Variants in PLCG2 observed in about 807,000 individuals in gnomAD.
PLCG2 encodes the protein phospholipase C gamma 2, also known as 1-phosphatidylinositol 4,5-bisphosphate phosphodiesterase gamma-2.
A neutral mutation model predicts 175.6 loss-of-function variants in PLCG2; 69 were observed. The ratio of observed to expected loss-of-function variants is 0.39; its 90% CI spans 0.32 to 0.48. The LOEUF is 0.48. Ranked by LOEUF, PLCG2 falls within the 20% of genes least tolerant of loss-of-function variation. PLCG2 has a pLI of 0.91. For synonymous variants in PLCG2, 827 were observed against 624.0 expected, an observed-to-expected ratio of 1.33 and a Z score of -4.85; for missense variants, 1,798 against 1,650.9, an observed-to-expected ratio of 1.09 and a Z score of -1.54.
intron 2 of PLCG2, among the ~76,000 whole-genome samples, chr16:81,803,363 G>A (rs906939639): frequency 6.6e-5 from 10 of 151,738 alleles, no homozygotes; most frequent in East Asian, 1.9e-4. Flanking sequence ...CCTAACATAA[G>A]GTTCGTTCAT....
intron 2 of PLCG2, among the ~76,000 whole-genome samples, chr16:81,834,658 G>C (rs1028592047): frequency 1.3e-5 from 2 of 152,144 alleles, no homozygotes; most frequent in Non-Finnish European, 2.9e-5. Flanking sequence ...GTTCCTGAGA[G>C]GAAGATTCTG....
chr16:81,822,776 A>AAAAAAAG (rs1476818787), intron 2 of PLCG2, among the ~76,000 whole-genome samples: 34 of 151,200 alleles, frequency 2.2e-4, no homozygotes, highest in Non-Finnish European at 4.9e-4. Context: ...AAAAAAAAAA[A>AAAAAAAG]AAAAAGAAAA....
At chr16:81,889,047 G>A (rs1303015438) in intron 9 of PLCG2, 125 bp from the exon 10 acceptor site, 2 of 615,074 alleles carry the variant, frequency 3.3e-6, no homozygotes, top group Admixed American at 2.5e-5. Flanking sequence ...TGTGGTGGTC[G>A]ATTGCAAGTG....
At chr16:81,757,830 C>A (rs968632492) in intron 2 of PLCG2, among the ~76,000 whole-genome samples, 2 of 152,110 alleles carry the variant, frequency 1.3e-5, no homozygotes, top group African/African-American at 4.8e-5. Context: ...CCCCCTTCCC[C>A]CACCCCTTCA....
At chr16:81,912,321 C>G (rs1015059614) in intron 18 of PLCG2, among the ~76,000 whole-genome samples, 2 of 152,258 alleles carry the variant, frequency 1.3e-5, no homozygotes, top group Non-Finnish European at 2.9e-5. Flanking sequence ...CTGCCTCAGC[C>G]TCCCAAAGTG....
intron 13 of PLCG2, among the ~76,000 whole-genome samples, chr16:81,900,274 C>G (rs1022357125): frequency 2.0e-5 from 3 of 152,124 alleles, no homozygotes; most frequent in African/African-American, 7.2e-5. Context: ...ATTGTGCTGT[C>G]TGTTCATCTT....
chr16:81,933,221 A>G (rs898887605), intron 25 of PLCG2, among the ~76,000 whole-genome samples: 1 of 152,200 alleles, frequency 6.6e-6, no homozygotes, highest in Non-Finnish European at 1.5e-5. Flanking sequence ...AAGTCCTGTT[A>G]TTACATCTGA....
chr16:81,885,634 T>A (rs370025414), intron 9 of PLCG2, among the ~76,000 whole-genome samples: 121 of 152,076 alleles, frequency 8.0e-4, no homozygotes, highest in East Asian at 2.3e-3. Context: ...CTTTTTTTTT[T>A]AAAATATAGC....
At chr16:81,876,035 TTTG>T (rs1300021697) in intron 7 of PLCG2, among the ~76,000 whole-genome samples, 14 of 143,146 alleles carry the variant, frequency 9.8e-5, no homozygotes, top group Admixed American at 2.1e-4. Flanking sequence ...TTTTTTTTTT[TTTG>T]TTTTTGAGAC....
intron 2 of PLCG2, among the ~76,000 whole-genome samples, chr16:81,793,674 TA>T: frequency 6.6e-6 from 1 of 152,356 alleles, no homozygotes; most frequent in Admixed American, 6.5e-5. Flanking sequence ...TCCCACTTAA[TA>T]ATGATAATAG....
intron 30 of PLCG2, among the ~76,000 whole-genome samples, chr16:81,945,608 C>T (rs185432732): frequency 3.7e-4 from 56 of 152,290 alleles, no homozygotes; most frequent in Admixed American, 3.0e-3. Context: ...CAACTTGCCC[C>T]CCTCAGCCCC....
At chr16:81,747,992 G>C (rs1049324208) in intron 1 of PLCG2, among the ~76,000 whole-genome samples, 2 of 151,786 alleles carry the variant, frequency 1.3e-5, no homozygotes, top group African/African-American at 4.8e-5. Context: ...CTCCTGCCTC[G>C]GCCTCCCAAG....
intron 18 of PLCG2, among the ~76,000 whole-genome samples, 185 bp from the exon 19 acceptor site, chr16:81,912,412 A>G (rs537377413): frequency 1.3e-5 from 2 of 152,158 alleles, no homozygotes; most frequent in African/African-American, 4.8e-5. Context: ...GTCTTCCACT[A>G]TTCTTTTCAC....
chr16:81,816,006 G>C (rs1347927323), intron 2 of PLCG2, among the ~76,000 whole-genome samples: 1 of 151,152 alleles, frequency 6.6e-6, no homozygotes, highest in Non-Finnish European at 1.5e-5. Flanking sequence ...AGGTTGCGGT[G>C]AGCCGAGATT....
chr16:81,886,331 G>A (rs1039643078), intron 9 of PLCG2, among the ~76,000 whole-genome samples: 1 of 152,222 alleles, frequency 6.6e-6, no homozygotes, highest in Non-Finnish European at 1.5e-5. Context: ...GAGCAGCCAT[G>A]AGCATCCATG....
intron 32 of PLCG2, among the ~76,000 whole-genome samples, chr16:81,957,483 G>C (rs1347764210): frequency 6.6e-6 from 1 of 152,176 alleles, no homozygotes; most frequent in African/African-American, 2.4e-5. Flanking sequence ...CTTTTAAGGA[G>C]TACTTATTGT....
At chr16:81,814,837 T>C (rs1904468181) in intron 2 of PLCG2, among the ~76,000 whole-genome samples, 1 of 152,212 alleles carries the variant, frequency 6.6e-6, no homozygotes, top group South Asian at 2.1e-4. Flanking sequence ...TTTCTTTGTC[T>C]CTGCAGTGGG....
chr16:81,946,037 C>T (rs114951604), intron 30 of PLCG2, 138 bp from the exon 31 acceptor site: 2 of 691,364 alleles, frequency 2.9e-6, no homozygotes, highest in Non-Finnish European at 5.3e-6. Flanking sequence ...CTGGCTTCCA[C>T]AAAGTCAGCC....
intron 1 of PLCG2, among the ~76,000 whole-genome samples, chr16:81,745,576 C>G (rs1228313661): frequency 6.6e-6 from 1 of 152,176 alleles, no homozygotes; most frequent in African/African-American, 2.4e-5. Context: ...AGTCTGCTCC[C>G]TATTATGGGC....
Sources: allele counts gnomAD v4.1 joint callset (sites outside exome capture counted in the v4.1 genomes callset), GRCh38; gene constraint gnomAD v4.1.1; transcripts MANE v1.5; gene names NCBI Gene and HGNC (gene_info 2026-07-23, HGNC 2026-07-21).